Variants in CCDC171 observed in about 807,000 individuals in gnomAD.
The protein encoded by CCDC171 is coiled-coil domain-containing protein 171.
CCDC171 carries 177 observed loss-of-function variants against 168.2 expected under a neutral mutation model. The ratio of observed to expected loss-of-function variants is 1.05; its 90% CI spans 0.93 to 1.19. The LOEUF (loss-of-function observed/expected upper bound fraction) is 1.19, where lower values mean the gene tolerates loss of function less well. CCDC171 is among the 50% of genes most tolerant of loss of function. CCDC171 has a pLI of 0.00. For synonymous variants in CCDC171, 687 were observed against 540.8 expected (o/e 1.27, Z -3.75); for missense variants, 1,991 against 1,539.0 (o/e 1.29, Z -4.91).
At chr9:15,907,259 A>AC (rs1235667642) in intron 24 of CCDC171, among the ~76,000 whole-genome samples, 31 of 152,302 alleles carry the variant, frequency 2.0e-4, no homozygotes, top group Non-Finnish European at 1.3e-4. Flanking sequence ...TTCAAACTAT[A>AC]CTACAAGGCT....
intron 21 of CCDC171, among the ~76,000 whole-genome samples, chr9:15,785,714 T>C (rs1304973865): frequency 6.6e-6 from 1 of 152,102 alleles, no homozygotes; most frequent in African/African-American, 2.4e-5. Flanking sequence ...AACTTACACA[T>C]TTCTTAGTAA....
intron 7 of CCDC171, among the ~76,000 whole-genome samples, chr9:15,635,168 A>G (rs1342566309): frequency 1.3e-5 from 2 of 152,182 alleles, no homozygotes; most frequent in Non-Finnish European, 2.9e-5. Context: ...AAGTTCCACA[A>G]TAGGCCATCT....
intron 20 of CCDC171, among the ~76,000 whole-genome samples, chr9:15,782,268 C>A (rs1049255633): frequency 6.6e-6 from 1 of 152,238 alleles, no homozygotes; most frequent in Non-Finnish European, 1.5e-5. Flanking sequence ...AATACTGTGT[C>A]CATCTACTGA....
intron 3 of CCDC171, among the ~76,000 whole-genome samples, chr9:15,577,081 A>G (rs2040729859): frequency 6.6e-6 from 1 of 152,194 alleles, no homozygotes; most frequent in South Asian, 2.1e-4. Context: ...CCTACTTAAT[A>G]TCCAGCTGAT....
intron 21 of CCDC171, among the ~76,000 whole-genome samples, chr9:15,827,853 T>C (rs186309111): frequency 6.4e-4 from 98 of 152,314 alleles, no homozygotes; most frequent in African/African-American, 2.3e-3. Flanking sequence ...TTTGTGTGTC[T>C]GAGCAACTCA....
In CCDC171 at chr9:15,610,854, C is replaced by T. The variant is rs566289317; in HGVS notation, c.676-12413C>T. On this transcript the variant is annotated intron_variant, in intron 6 of 25. Transcript: ENST00000380701. Reference sequence around the variant, plus strand: ...GATTACAGGTGTGAACCACTGTGCCCGGCCTGGTCTTTATTTTCTCTGAGT... The same window carrying T: ...GATTACAGGTGTGAACCACTGTGCCTGGCCTGGTCTTTATTTTCTCTGAGT... Among the ~76,000 whole-genome samples the T allele has an allele frequency of 5.9e-5, 9 of 152,152 alleles. No homozygotes were observed. In the East Asian group the frequency reaches 7.7e-4, roughly 13 times the overall value.
At chr9:15,789,585 G>T (rs930691376) in intron 21 of CCDC171, among the ~76,000 whole-genome samples, 1 of 152,096 alleles carries the variant, frequency 6.6e-6, no homozygotes, top group African/African-American at 2.4e-5. Flanking sequence ...ACTGACACAT[G>T]AATAGATAGA....
chr9:16,068,159 A>G, the CCDC171 span, among the ~76,000 whole-genome samples: 4 of 145,764 alleles, frequency 2.7e-5, no homozygotes, highest in East Asian at 7.8e-4. Flanking sequence ...CTTATACACC[A>G]ACAACAGACA....
At chr9:15,616,834 T>C (rs1461923775) in intron 6 of CCDC171, among the ~76,000 whole-genome samples, 1 of 152,228 alleles carries the variant, frequency 6.6e-6, no homozygotes. Context: ...TTGTTCATAA[T>C]ACTATTTGTA....
chr9:15,899,163 T>A (rs1212104077), intron 24 of CCDC171, among the ~76,000 whole-genome samples: 1 of 152,242 alleles, frequency 6.6e-6, no homozygotes, highest in Non-Finnish European at 1.5e-5. Flanking sequence ...CCTTTATTTG[T>A]CAATATTGAT....
chr9:15,896,845 C>A (rs1385525574), intron 24 of CCDC171, among the ~76,000 whole-genome samples: 1 of 151,988 alleles, frequency 6.6e-6, no homozygotes, highest in Non-Finnish European at 1.5e-5. Flanking sequence ...TGTACACAAA[C>A]CCTAATACAT....
intron 9 of CCDC171, among the ~76,000 whole-genome samples, chr9:15,676,745 T>C (rs1403463238): frequency 6.6e-6 from 1 of 152,148 alleles, no homozygotes; most frequent in Non-Finnish European, 1.5e-5. Flanking sequence ...TTCTGAAAGT[T>C]TTTGATCTTT....
chr9:16,019,981 A>C (rs941134001), intron 3 of CCDC171, among the ~76,000 whole-genome samples: 12 of 152,206 alleles, frequency 7.9e-5, no homozygotes, highest in African/African-American at 2.2e-4. Flanking sequence ...AGAAAATATA[A>C]TAGTTCCCCT....
chr9:15,944,836 T>TCTTTATTTCTTTC (rs57665767), intron 25 of CCDC171, among the ~76,000 whole-genome samples: 1 of 129,852 alleles, frequency 7.7e-6, no homozygotes, highest in East Asian at 2.4e-4. Context: ...TTTCTTTCTT[T>TCTTTATTTCTTTC]TTTCTTTCTT....
At chr9:15,830,421 A>G (rs1413951096) in intron 21 of CCDC171, among the ~76,000 whole-genome samples, 2 of 152,232 alleles carry the variant, frequency 1.3e-5, no homozygotes, top group Admixed American at 6.5e-5. Flanking sequence ...TTATGTTACT[A>G]TATGCTTATT....
chr9:15,676,541 C>G lies in CCDC171; in HGVS notation c.1077-2217C>G, dbSNP rs889135014. On this transcript the variant is annotated intron_variant, in intron 9 of 25. Coordinates refer to ENST00000380701, the MANE Select transcript of CCDC171 (RefSeq NM_173550.4). Reference sequence around the variant, plus strand: ...CCATCTTGGAAGCGCTCGAGCTGGACAAGTTGTTTTTTAGGTTCCCTGTAC... The same window carrying G: ...CCATCTTGGAAGCGCTCGAGCTGGAGAAGTTGTTTTTTAGGTTCCCTGTAC... Among the ~76,000 whole-genome samples, 19 of 152,084 alleles carry G rather than the reference C, an allele frequency of 1.2e-4. No individual in the cohort carries two copies. In the South Asian group the frequency reaches 1.5e-3, roughly 12 times the overall value.
At chr9:15,636,920 T>G (rs1232288093) in intron 7 of CCDC171, among the ~76,000 whole-genome samples, 1 of 151,992 alleles carries the variant, frequency 6.6e-6, no homozygotes, top group African/African-American at 2.4e-5. Context: ...AACGAATTTT[T>G]TTTTGTTTTT....
intron 21 of CCDC171, among the ~76,000 whole-genome samples, chr9:15,844,102 C>G (rs1259833350): frequency 1.3e-5 from 2 of 152,072 alleles, no homozygotes; most frequent in African/African-American, 2.4e-5. Flanking sequence ...ACAATCTACC[C>G]TGGTTGAGAA....
the CCDC171 span, among the ~76,000 whole-genome samples, chr9:16,072,939 T>C: frequency 6.6e-6 from 1 of 152,218 alleles, no homozygotes; most frequent in Non-Finnish European, 1.5e-5. Flanking sequence ...ATTTCTTGAA[T>C]AAATTAATTA....
Sources: gnomAD v4.1 joint callset for allele counts (sites outside exome capture counted in the v4.1 genomes callset) on GRCh38, gnomAD v4.1.1 for gene constraint, MANE v1.5 for transcripts, NCBI Gene and HGNC (gene_info 2026-07-23, HGNC 2026-07-21) for gene names.